CFDP1: variants seen among roughly 807,000 people sequenced by gnomAD.
The protein encoded by CFDP1 is heterochromatin-stabilizing protein CFDP1.
A neutral mutation model predicts 40.1 loss-of-function variants in CFDP1; 31 were observed. The observed-to-expected ratio is 0.77, with a 90% CI of 0.58 to 1.04. CFDP1 has a LOEUF of 1.04. Among genes scored for constraint, CFDP1 ranks in the 50% least tolerant of loss-of-function variants. The pLI is 0.00. For missense variants in CFDP1, 423 were observed against 343.4 expected, an observed-to-expected ratio of 1.23 and a Z score of -1.83; for synonymous variants, 167 against 120.0, an observed-to-expected ratio of 1.39 and a Z score of -2.56.
At chr16:75,419,798 G>A (rs529365327) in intron 1 of CFDP1, among the ~76,000 whole-genome samples, 1 of 152,194 alleles carries the variant, frequency 6.6e-6, no homozygotes, top group East Asian at 1.9e-4. Flanking sequence ...TCTGAAAAGG[G>A]GAGGCATGAA....
intron 5 of CFDP1, among the ~76,000 whole-genome samples, chr16:75,363,736 G>T (rs1382889646): frequency 6.6e-6 from 1 of 152,118 alleles, no homozygotes; most frequent in African/African-American, 2.4e-5. Flanking sequence ...GTTTGGTCAA[G>T]AACTGTCTTC....
At chr16:75,422,804 C>T (rs1385957916) in intron 1 of CFDP1, among the ~76,000 whole-genome samples, 1 of 151,980 alleles carries the variant, frequency 6.6e-6, no homozygotes, top group African/African-American at 2.4e-5. Flanking sequence ...TGTGATCTTG[C>T]CACTGCACTC....
intron 1 of CFDP1, among the ~76,000 whole-genome samples, chr16:75,421,452 A>G (rs2079279065): frequency 6.6e-6 from 1 of 152,180 alleles, no homozygotes; most frequent in Non-Finnish European, 1.5e-5. Context: ...TGCAGTTACT[A>G]TGAGGGAAAA....
Position 75,412,555 on chromosome 16 carries a change from G to A in CFDP1, c.382C>T (p.Pro128Ser). The stretch of plus-strand genomic sequence containing the variant: ...CTTACCTTAACTTGTGTACTTGGGG[G>A]CACTTTTGATTTTGGTCCCACATCA... Reference protein sequence around the residue: ...LNDVGPKSKVPPSTQVKKGEE... With the variant: ...LNDVGPKSKVSPSTQVKKGEE... Residue 128 changes from proline to serine, a missense_variant, in exon 3 of 7, where the codon CCC becomes TCC. Physicochemically the swap from Pro to Ser is moderately conservative, Grantham distance 74. Transcript: ENST00000283882. 1.2e-6 allele frequency: 2 copies of A among 1,613,874 alleles called. No homozygotes were observed. The highest frequency in any genetic ancestry group is 1.7e-6 in the Non-Finnish European group (2 of 1,179,796).
chr16:75,405,791 C>A (rs1283345283), intron 4 of CFDP1, among the ~76,000 whole-genome samples: 3 of 147,724 alleles, frequency 2.0e-5, no homozygotes, highest in Non-Finnish European at 4.5e-5. Context: ...TGGTGGTATG[C>A]ACCTGCAGTC....
intron 5 of CFDP1, among the ~76,000 whole-genome samples, chr16:75,373,172 A>C (rs918338516): frequency 5.3e-5 from 8 of 152,358 alleles, no homozygotes; most frequent in African/African-American, 1.9e-4. Flanking sequence ...ATCCAGTTAC[A>C]TGTGCTAAGT....
At chr16:75,395,997 A>C (rs74024778) in intron 4 of CFDP1, among the ~76,000 whole-genome samples, 2,713 of 104,670 alleles carry the variant, frequency 0.026, 473 homozygotes, top group African/African-American at 0.073. Context: ...AATGTTGTTT[A>C]AATGCAGTCC....
At chr16:75,345,884 G>A (rs908728947) in intron 5 of CFDP1, among the ~76,000 whole-genome samples, 2 of 152,230 alleles carry the variant, frequency 1.3e-5, no homozygotes, top group African/African-American at 4.8e-5. Flanking sequence ...CTCATTTGCT[G>A]TAAGACCTGG....
At chr16:75,325,259 A>G (rs2078393951) in intron 5 of CFDP1, among the ~76,000 whole-genome samples, 1 of 152,142 alleles carries the variant, frequency 6.6e-6, no homozygotes. Context: ...CTTACCTCCC[A>G]GACTTCCTCT....
chr16:75,299,791 A>C (rs1389582500), intron 6 of CFDP1, among the ~76,000 whole-genome samples: 1 of 152,170 alleles, frequency 6.6e-6, no homozygotes, highest in African/African-American at 2.4e-5. Flanking sequence ...ACAAAACATG[A>C]CAACATGCAT....
intron 5 of CFDP1, among the ~76,000 whole-genome samples, chr16:75,393,342 C>G (rs1043730506): frequency 6.6e-6 from 1 of 152,122 alleles, no homozygotes; most frequent in Non-Finnish European, 1.5e-5. Flanking sequence ...GCACTTAAAC[C>G]TTTATCTCAG....
intron 5 of CFDP1, among the ~76,000 whole-genome samples, chr16:75,384,244 C>G (rs778877211): frequency 2.0e-5 from 3 of 152,052 alleles, no homozygotes; most frequent in Non-Finnish European, 4.4e-5. Flanking sequence ...GTAATCCCAG[C>G]TACTTGGGAG....
chr16:75,335,303 T>C (rs1415693906), intron 5 of CFDP1, among the ~76,000 whole-genome samples: 1 of 152,198 alleles, frequency 6.6e-6, no homozygotes, highest in East Asian at 1.9e-4. Context: ...GGGGGAAAAA[T>C]AACTTAAACC....
intron 5 of CFDP1, among the ~76,000 whole-genome samples, chr16:75,337,742 G>A (rs909757017): frequency 3.3e-5 from 5 of 152,060 alleles, no homozygotes; most frequent in Non-Finnish European, 5.9e-5. Flanking sequence ...TCACTATCAC[G>A]AAAACAGCAA....
At chr16:75,397,587 G>A (rs558107306) in intron 4 of CFDP1, among the ~76,000 whole-genome samples, 1 of 151,852 alleles carries the variant, frequency 6.6e-6, no homozygotes, top group Non-Finnish European at 1.5e-5. Flanking sequence ...CAGATTATGA[G>A]GTCAGGAGTT....
At chr16:75,431,586 CAG>C (rs2079418390) in intron 1 of CFDP1, among the ~76,000 whole-genome samples, 2 of 151,664 alleles carry the variant, frequency 1.3e-5, no homozygotes, top group African/African-American at 2.4e-5. Flanking sequence ...CCGCATTAAG[CAG>C]AGACTGTGCC....
intron 6 of CFDP1, chr16:75,301,731 T>C (rs1252491152): frequency 6.6e-6 from 1 of 152,092 alleles, no homozygotes; most frequent in Non-Finnish European, 1.5e-5. Context: ...AAGTAAAATT[T>C]AAAGATGCAG....
At chr16:75,432,775 G>A (rs965955628) in intron 1 of CFDP1, among the ~76,000 whole-genome samples, 2 of 152,182 alleles carry the variant, frequency 1.3e-5, no homozygotes, top group Non-Finnish European at 2.9e-5. Context: ...AGATCCCTAA[G>A]GAAAGAAAGT....
intron 1 of CFDP1, among the ~76,000 whole-genome samples, chr16:75,431,515 G>A (rs897928682): frequency 1.3e-5 from 2 of 150,512 alleles, no homozygotes; most frequent in Admixed American, 1.3e-4. Flanking sequence ...GCTGGCGGGC[G>A]CCTGTAATCC....
Sources: gnomAD v4.1 joint callset for allele counts (sites outside exome capture counted in the v4.1 genomes callset) on GRCh38, gnomAD v4.1.1 for gene constraint, MANE v1.5 for transcripts, NCBI Gene and HGNC (gene_info 2026-07-23, HGNC 2026-07-21) for gene names.